SEM1: variants seen among roughly 807,000 people sequenced by gnomAD.
SEM1 encodes the protein SEM1 26S proteasome subunit, also known as 26S proteasome complex subunit SEM1.
Under a neutral mutation model 12.7 loss-of-function variants are expected in SEM1, and 3 were observed. The ratio of observed to expected loss-of-function variants is 0.24; its 90% CI spans 0.11 to 0.61. The LOEUF (loss-of-function observed/expected upper bound fraction) is 0.61. SEM1 is among the 20% of genes least tolerant of loss of function. The pLI is 0.88. For missense variants in SEM1, 59 were observed against 81.3 expected, an observed-to-expected ratio of 0.73 and a Z score of 1.06; for synonymous variants, 30 against 27.8, an observed-to-expected ratio of 1.08 and a Z score of -0.25.
intron 2 of SEM1, among the ~76,000 whole-genome samples, chr7:96,604,420 A>G (rs1457111411): frequency 6.6e-6 from 1 of 152,134 alleles, no homozygotes; most frequent in Non-Finnish European, 1.5e-5. Flanking sequence ...CCCTAGTGTC[A>G]TTTCATGTAA....
At chr7:96,524,503 ACAGG>A (rs1804386381) in intron 2 of SEM1, among the ~76,000 whole-genome samples, 1 of 152,128 alleles carries the variant, frequency 6.6e-6, no homozygotes, top group South Asian at 2.1e-4. Flanking sequence ...ATTCCATGCC[ACAGG>A]TATAAATCAG....
At chr7:96,601,913 A>G (rs1722351392) in intron 2 of SEM1, among the ~76,000 whole-genome samples, 2 of 152,146 alleles carry the variant, frequency 1.3e-5, no homozygotes, top group Admixed American at 1.3e-4. Context: ...GGTAAACACA[A>G]AAAGGTCTAT....
upstream of SEM1, among the ~76,000 whole-genome samples, chr7:96,499,958 TAGTAAG>T (rs1738958156): frequency 6.6e-6 from 1 of 152,182 alleles, no homozygotes; most frequent in South Asian, 2.1e-4. Context: ...ATCAAATAAT[TAGTAAG>T]GGTATAATTT....
intron 2 of SEM1, among the ~76,000 whole-genome samples, chr7:96,599,298 C>G (rs556685117): frequency 3.3e-5 from 5 of 152,048 alleles, no homozygotes; most frequent in African/African-American, 4.8e-5. Context: ...TGACTGAAAG[C>G]CTTTTCTTGC....
At position 96,541,431 on chromosome 7, in the gene SEM1, GTTTTTTTTTTT is replaced by G. The variant is rs781779927; in HGVS notation, c.171-34744_171-34734del. ...CATGTCTTTTCCCACTTTTTAATGG[GTTTTTTTTTTT>G]GTTTTTTTTTTTTTTTTGCTGAATT... is the stretch of plus-strand genomic sequence containing the variant. On this transcript the variant is annotated intron_variant and NMD_transcript_variant, in intron 2 of 3. Coordinates refer to the SEM1 transcript ENST00000466986. 9.1e-5 allele frequency among the ~76,000 whole-genome samples: 11 copies of G among 121,508 alleles called. No individual in the cohort carries two copies. The East Asian group carries it at 2.0e-3, about 23-fold the overall frequency. 79.7% of individuals were successfully genotyped at this position (121,508 alleles called of 152,430 possible). A position where few individuals can be genotyped will look rare whatever the true frequency, so the allele number is the denominator to read the frequency against.
At chr7:96,593,902 A>C in intron 2 of SEM1, among the ~76,000 whole-genome samples, 1 of 151,938 alleles carries the variant, frequency 6.6e-6, no homozygotes, top group Non-Finnish European at 1.5e-5. Flanking sequence ...GTAGATAAAA[A>C]GTTGGGTTTG....
chr7:96,543,076 A>C (rs1383926868), intron 2 of SEM1, among the ~76,000 whole-genome samples: 1 of 151,856 alleles, frequency 6.6e-6, no homozygotes, highest in African/African-American at 2.4e-5. Context: ...GGAGTGGAGG[A>C]TGGGAAATGG....
At chr7:96,685,729 T>A (rs1026639663), downstream of SEM1, among the ~76,000 whole-genome samples, 2 of 149,612 alleles carry the variant, frequency 1.3e-5, no homozygotes, top group East Asian at 3.9e-4. Context: ...ATAGTAAGCA[T>A]CAGTTATTAA....
At chr7:96,578,372 C>A (rs1175183735) in intron 2 of SEM1, among the ~76,000 whole-genome samples, 1 of 150,440 alleles carries the variant, frequency 6.6e-6, no homozygotes, top group Non-Finnish European at 1.5e-5. Flanking sequence ...GGAAAAAAAA[C>A]AAAAACACTA....
At chr7:96,514,244 A>G (rs903919990) in intron 2 of SEM1, among the ~76,000 whole-genome samples, 2 of 151,936 alleles carry the variant, frequency 1.3e-5, no homozygotes, top group African/African-American at 4.8e-5. Context: ...TTACCTTTTT[A>G]TTTATTTATT....
At chr7:96,580,201 T>C (rs1806347345) in intron 2 of SEM1, among the ~76,000 whole-genome samples, 2 of 146,422 alleles carry the variant, frequency 1.4e-5, no homozygotes, top group South Asian at 4.5e-4. Context: ...TTCCCACCTA[T>C]GAGTGAGAAT....
chr7:96,670,307 C>T (rs1789282690), downstream of SEM1, among the ~76,000 whole-genome samples: 1 of 152,062 alleles, frequency 6.6e-6, no homozygotes, highest in African/African-American at 2.4e-5. Flanking sequence ...GCAAATGGCC[C>T]AGCCTTAATC....
intron 2 of SEM1, among the ~76,000 whole-genome samples, chr7:96,628,008 A>G (rs1808127031): frequency 6.6e-6 from 1 of 152,086 alleles, no homozygotes; most frequent in South Asian, 2.1e-4. Flanking sequence ...TGACCCCTTT[A>G]TCATTATACA....
At chr7:96,644,944 GTT>G (rs1413405678) in intron 2 of SEM1, among the ~76,000 whole-genome samples, 1 of 151,984 alleles carries the variant, frequency 6.6e-6, no homozygotes, top group Non-Finnish European at 1.5e-5. Context: ...GATTCCAAGA[GTT>G]TTTATATACT....
chr7:96,539,611 G>GA (rs1360573746), intron 2 of SEM1, among the ~76,000 whole-genome samples: 1 of 151,502 alleles, frequency 6.6e-6, no homozygotes, highest in African/African-American at 2.4e-5. Flanking sequence ...TTATCGCATT[G>GA]AAAAAAAGCC....
chr7:96,557,912 C>T (rs935271705), intron 2 of SEM1, among the ~76,000 whole-genome samples: 2 of 152,176 alleles, frequency 1.3e-5, no homozygotes, highest in African/African-American at 4.8e-5. Context: ...TTTTTAAGGC[C>T]GTTGGAAAAG....
At chr7:96,523,056 T>C (rs1181691982) in intron 2 of SEM1, among the ~76,000 whole-genome samples, 1 of 152,140 alleles carries the variant, frequency 6.6e-6, no homozygotes, top group Non-Finnish European at 1.5e-5. Context: ...TTTGTGTTAT[T>C]TGCCTAAGGA....
At chr7:96,675,710 T>C (rs1433138756) in intron 2 of SEM1, among the ~76,000 whole-genome samples, 1 of 152,142 alleles carries the variant, frequency 6.6e-6, no homozygotes, top group Non-Finnish European at 1.5e-5. Flanking sequence ...AGCTCCCTGT[T>C]ATAGCCAGGG....
chr7:96,554,989 G>A (rs1398889523), intron 2 of SEM1, among the ~76,000 whole-genome samples: 1 of 144,208 alleles, frequency 6.9e-6, no homozygotes, highest in Non-Finnish European at 1.5e-5. Context: ...TTGCGTAGAG[G>A]TGTTTGTAGT....
Sources: gnomAD v4.1 joint callset for allele counts (sites outside exome capture counted in the v4.1 genomes callset) on GRCh38, gnomAD v4.1.1 for gene constraint, MANE v1.5 for transcripts, NCBI Gene and HGNC (gene_info 2026-07-23, HGNC 2026-07-21) for gene names.